TCF12: variants seen among roughly 807,000 people sequenced by gnomAD.
The protein encoded by TCF12 is DNA-binding protein HTF4.
A neutral mutation model predicts 86.0 loss-of-function variants in TCF12; 45 were observed. That is an observed-to-expected ratio of 0.52 (90% CI 0.41 to 0.67). TCF12 has a LOEUF of 0.67. Ranked by LOEUF, TCF12 falls within the 30% of genes least tolerant of loss-of-function variation. The pLI is 0.00. For missense variants in TCF12, 881 were observed against 859.9 expected (o/e 1.02, Z -0.31); for synonymous variants, 330 against 299.6 (o/e 1.10, Z -1.05).
At chr15:57,071,185 T>G (rs2069342779) in intron 4 of TCF12, among the ~76,000 whole-genome samples, 1 of 151,512 alleles carries the variant, frequency 6.6e-6, no homozygotes, top group Non-Finnish European at 1.5e-5. Flanking sequence ...AATGGGAGGA[T>G]TGCTTGAGCC....
intron 4 of TCF12, among the ~76,000 whole-genome samples, chr15:57,083,373 T>C (rs570811253): frequency 9.2e-5 from 14 of 152,288 alleles, no homozygotes; most frequent in Non-Finnish European, 1.5e-4. Flanking sequence ...TCCTGCTTAC[T>C]TGATGCGATT....
chr15:57,180,007 A>G (rs1175870963), intron 6 of TCF12, among the ~76,000 whole-genome samples: 1 of 152,234 alleles, frequency 6.6e-6, no homozygotes, highest in Non-Finnish European at 1.5e-5. Context: ...ATCACTATCT[A>G]ATGAGATTCT....
At chr15:57,250,466 C>G (rs1338509157) in intron 13 of TCF12, among the ~76,000 whole-genome samples, 1 of 152,152 alleles carries the variant, frequency 6.6e-6, no homozygotes, top group Admixed American at 6.5e-5. Context: ...AAATGGCTGG[C>G]ACCTGTAATT....
At chr15:57,124,864 G>A (rs1255158642) in intron 5 of TCF12, among the ~76,000 whole-genome samples, 3 of 105,270 alleles carry the variant, frequency 2.8e-5, no homozygotes, top group Non-Finnish European at 5.8e-5. Context: ...TGTATTTTTA[G>A]TAGAGATGGC....
intron 8 of TCF12, among the ~76,000 whole-genome samples, chr15:57,223,653 T>TGTTTG (rs1555400235): frequency 7.4e-6 from 1 of 135,294 alleles, no homozygotes; most frequent in African/African-American, 2.8e-5. Context: ...GTTTTTTTTT[T>TGTTTG]TTTTTTTTTT....
intron 5 of TCF12, among the ~76,000 whole-genome samples, chr15:57,152,849 C>T (rs180752322): frequency 1.7e-4 from 26 of 151,070 alleles, no homozygotes; most frequent in African/African-American, 5.7e-4. Context: ...ACAACAAGAA[C>T]TCCCCTCCAC....
intron 18 of TCF12, among the ~76,000 whole-genome samples, chr15:57,270,476 T>A (rs1312467323): frequency 6.6e-6 from 1 of 152,198 alleles, no homozygotes; most frequent in Non-Finnish European, 1.5e-5. Flanking sequence ...TTTCCAAGGT[T>A]TTTTACTTCC....
intron 3 of TCF12, among the ~76,000 whole-genome samples, chr15:56,928,428 T>A (rs1488335186): frequency 6.6e-6 from 1 of 152,202 alleles, no homozygotes; most frequent in African/African-American, 2.4e-5. Context: ...GATAAGCAAT[T>A]TATGGGCATT....
At chr15:57,005,248 A>T (rs2064284122) in intron 3 of TCF12, among the ~76,000 whole-genome samples, 1 of 152,254 alleles carries the variant, frequency 6.6e-6, no homozygotes, top group African/African-American at 2.4e-5. Context: ...AAACAAAGTT[A>T]AATTGATTTC....
chr15:57,172,370 T>G (rs1280857298), intron 6 of TCF12, among the ~76,000 whole-genome samples: 1 of 152,184 alleles, frequency 6.6e-6, no homozygotes, highest in African/African-American at 2.4e-5. Context: ...TAGAACAAAA[T>G]TAACTATCGA....
Position 57,158,539 on chromosome 15 carries a change from G to A in TCF12, c.326-7863G>A, listed in dbSNP as rs116978117. ...AGGTCTGACTGTGTGCTTTTATCAG[G>A]GTAATAGGATGCTCCATTGGCATTT... On this transcript the variant is annotated intron_variant, in intron 5 of 20. Coordinates refer to ENST00000333725, the MANE Select transcript of TCF12 (RefSeq NM_207037.2). 1.2e-3 allele frequency among the ~76,000 whole-genome samples: 175 copies of A among 152,154 alleles called. 3 individuals carry two copies. The East Asian group carries it at 0.027, about 23-fold the overall frequency.
intron 5 of TCF12, among the ~76,000 whole-genome samples, chr15:57,092,720 A>G (rs1278997415): frequency 6.6e-6 from 1 of 152,016 alleles, no homozygotes; most frequent in African/African-American, 2.4e-5. Context: ...AAAAACTTTT[A>G]TCTGTTTTAC....
intron 3 of TCF12, among the ~76,000 whole-genome samples, chr15:56,937,323 A>G (rs759922209): frequency 6.7e-6 from 1 of 150,288 alleles, no homozygotes; most frequent in Admixed American, 6.6e-5. Flanking sequence ...GTTAATTTGT[A>G]TACGTTAATT....
chr15:57,271,342 A>G (rs1346752316), intron 18 of TCF12, among the ~76,000 whole-genome samples: 1 of 152,218 alleles, frequency 6.6e-6, no homozygotes, highest in Non-Finnish European at 1.5e-5. Flanking sequence ...GGTCGATCTC[A>G]GACTGCTGCG....
intron 3 of TCF12, among the ~76,000 whole-genome samples, chr15:56,940,933 T>TC (rs71113036): frequency 6.7e-6 from 1 of 148,902 alleles, no homozygotes; most frequent in East Asian, 2.0e-4. Context: ...TTTTTTTTTT[T>TC]CTTTTTGGGT....
chr15:57,179,204 TTGAC>T (rs556373765), intron 6 of TCF12, among the ~76,000 whole-genome samples: 2 of 152,174 alleles, frequency 1.3e-5, no homozygotes, highest in Non-Finnish European at 2.9e-5. Context: ...ACTGGGCTGA[TTGAC>T]TGGGCACGGG....
Position 57,229,734 on chromosome 15 carries a change from C to T in TCF12, c.580-1418C>T, listed in dbSNP as rs115430851. The stretch of plus-strand genomic sequence containing the variant: ...GCTATAACTTATTGCCTGCATACTT[C>T]GTACAAGGCACTGTGCTAAACATTT... On this transcript the variant is annotated intron_variant, in intron 8 of 20. Transcript: ENST00000333725. Among the ~76,000 whole-genome samples, 687 of 151,944 alleles carry T rather than the reference C, an allele frequency of 4.5e-3. 4 individuals are homozygous for T. The highest frequency in any genetic ancestry group is 0.016 in the African/African-American group (669 of 41,514).
At chr15:57,193,792 C>A (rs1370644195) in intron 7 of TCF12, among the ~76,000 whole-genome samples, 2 of 152,182 alleles carry the variant, frequency 1.3e-5, no homozygotes, top group African/African-American at 2.4e-5. Flanking sequence ...TATGATAGAT[C>A]ATCATATTCA....
intron 4 of TCF12, among the ~76,000 whole-genome samples, chr15:57,065,372 AC>A (rs1349123828): frequency 6.6e-6 from 1 of 152,206 alleles, no homozygotes; most frequent in Non-Finnish European, 1.5e-5. Flanking sequence ...ACTGGTTGAT[AC>A]CCAAATTTCC....
Sources: allele counts gnomAD v4.1 joint callset (sites outside exome capture counted in the v4.1 genomes callset), GRCh38; gene constraint gnomAD v4.1.1; transcripts MANE v1.5; gene names NCBI Gene and HGNC (gene_info 2026-07-23, HGNC 2026-07-21).